Variants in SYNPR observed in about 807,000 individuals in gnomAD.
SYNPR encodes the protein synaptoporin.
Under a neutral mutation model 32.9 loss-of-function variants are expected in SYNPR, and 23 were observed. The ratio of observed to expected loss-of-function variants is 0.70; its 90% CI spans 0.50 to 0.99. The LOEUF (loss-of-function observed/expected upper bound fraction) is 0.99, where lower values mean the gene tolerates loss of function less well. SYNPR is among the 50% of genes least tolerant of loss of function. The pLI is 0.00. For synonymous variants in SYNPR, 146 were observed against 135.9 expected (o/e 1.07, Z -0.52); for missense variants, 318 against 349.3 (o/e 0.91, Z 0.71).
chr3:63,467,224 T>C (rs1237127897), intron 2 of SYNPR, among the ~76,000 whole-genome samples: 2 of 152,194 alleles, frequency 1.3e-5, no homozygotes, highest in African/African-American at 4.8e-5. Context: ...GATGGGGGTC[T>C]CACTATGTTG....
At chr3:63,605,234 G>C (rs1047662127) in intron 4 of SYNPR, among the ~76,000 whole-genome samples, 3 of 152,212 alleles carry the variant, frequency 2.0e-5, no homozygotes, top group African/African-American at 7.2e-5. Flanking sequence ...ACTATCTGGG[G>C]AGGGGACCAT....
intron 2 of SYNPR, among the ~76,000 whole-genome samples, chr3:63,381,936 C>T (rs564832329): frequency 3.9e-5 from 6 of 152,096 alleles, no homozygotes; most frequent in South Asian, 4.1e-4. Context: ...CACAACTTAA[C>T]GAAATCTACT....
chr3:63,470,646 A>G (rs558245427), intron 2 of SYNPR, among the ~76,000 whole-genome samples: 1 of 152,280 alleles, frequency 6.6e-6, no homozygotes, highest in Non-Finnish European at 1.5e-5. Flanking sequence ...TTCTCTCATC[A>G]GTTTCTGTGT....
chr3:63,469,432 C>A (rs1452377080), intron 2 of SYNPR, among the ~76,000 whole-genome samples: 1 of 152,044 alleles, frequency 6.6e-6, no homozygotes, highest in Non-Finnish European at 1.5e-5. Flanking sequence ...CTTCAATGCA[C>A]TAAGATATGG....
intron 2 of SYNPR, among the ~76,000 whole-genome samples, chr3:63,412,824 C>G (rs2088484658): frequency 6.6e-6 from 1 of 152,144 alleles, no homozygotes; most frequent in African/African-American, 2.4e-5. Flanking sequence ...CTGAAGATTA[C>G]CAGGTACCAC....
the SYNPR span, among the ~76,000 whole-genome samples, chr3:63,219,301 G>A: frequency 6.6e-6 from 1 of 152,182 alleles, no homozygotes; most frequent in Non-Finnish European, 1.5e-5. Context: ...TCCAAGAAAC[G>A]GAAAGTTGGC....
chr3:63,487,649 C>T (rs1701181105), intron 3 of SYNPR, among the ~76,000 whole-genome samples: 1 of 152,156 alleles, frequency 6.6e-6, no homozygotes, highest in African/African-American at 2.4e-5. Flanking sequence ...ATTTAACTGT[C>T]TCTTGATTAA....
intron 2 of SYNPR, among the ~76,000 whole-genome samples, chr3:63,282,228 G>A (rs1161256004): frequency 6.6e-6 from 1 of 152,074 alleles, no homozygotes; most frequent in East Asian, 1.9e-4. Flanking sequence ...TGTAAGTTAA[G>A]TGATATCAAA....
chr3:63,442,412 A>C (rs1331984004), intron 2 of SYNPR, among the ~76,000 whole-genome samples: 1 of 152,214 alleles, frequency 6.6e-6, no homozygotes. Flanking sequence ...GGAGAGGCAC[A>C]CAGACTTCCT....
intron 5 of SYNPR, 138 bp from the exon 6 acceptor site, chr3:63,615,086 C>A: frequency 9.5e-7 from 1 of 1,057,462 alleles, no homozygotes; most frequent in East Asian, 2.6e-5. Flanking sequence ...AATACCGGTT[C>A]CAAATGGAAA....
At chr3:63,341,432 T>C (rs2087369915) in intron 2 of SYNPR, among the ~76,000 whole-genome samples, 1 of 152,208 alleles carries the variant, frequency 6.6e-6, no homozygotes, top group African/African-American at 2.4e-5. Flanking sequence ...ACTACCAGAC[T>C]GTGTTTCAGA....
At chr3:63,290,272 C>T (rs1262720168) in intron 2 of SYNPR, among the ~76,000 whole-genome samples, 2 of 152,172 alleles carry the variant, frequency 1.3e-5, no homozygotes, top group East Asian at 1.9e-4. Flanking sequence ...AGATTCCATG[C>T]TCTTAACCAT....
intron 3 of SYNPR, among the ~76,000 whole-genome samples, chr3:63,533,944 C>T (rs989408736): frequency 6.6e-6 from 1 of 152,114 alleles, no homozygotes; most frequent in Admixed American, 6.6e-5. Context: ...GATAATGTTG[C>T]TACTGTCGAT....
At chr3:63,427,640 A>T (rs1286374214) in intron 2 of SYNPR, 2 of 152,202 alleles carry the variant, frequency 1.3e-5, no homozygotes, top group Non-Finnish European at 2.9e-5. Context: ...TCCCTCCACA[A>T]TGGAGGAGTG....
chr3:63,587,685 A>AATTTATT (rs1414588276), intron 4 of SYNPR, among the ~76,000 whole-genome samples: 1 of 152,048 alleles, frequency 6.6e-6, no homozygotes, highest in Non-Finnish European at 1.5e-5. Context: ...GCCTGCTAGC[A>AATTTATT]ATTTATTTAT....
intron 2 of SYNPR, among the ~76,000 whole-genome samples, chr3:63,406,771 G>A (rs1051569593): frequency 2.0e-5 from 3 of 152,126 alleles, no homozygotes; most frequent in Non-Finnish European, 4.4e-5. Context: ...TAACATTGTT[G>A]CCTAGTTCCT....
the SYNPR span, among the ~76,000 whole-genome samples, chr3:63,204,149 C>A: frequency 1.3e-5 from 2 of 152,190 alleles, no homozygotes; most frequent in Admixed American, 6.5e-5. Flanking sequence ...TGTTACTTTC[C>A]TGGGGCTACT....
In SYNPR at chr3:63,546,370, A is replaced by G. The variant is rs1702401873; in HGVS notation, c.210-10173A>G. Among the ~76,000 whole-genome samples the G allele has an allele frequency of 2.0e-5, 3 of 152,114 alleles. No homozygotes were observed. In the South Asian group the frequency reaches 6.2e-4, roughly 32 times the overall value. On this transcript the variant is annotated intron_variant, in intron 3 of 5. Coordinates refer to ENST00000478300, the MANE Select transcript of SYNPR (RefSeq NM_001130003.2). ...TTGAAATGTCTATCTGTGTAAATCC[A>G]AACTGTAGGGAGGAGTGAAATTTGA... is the stretch of plus-strand genomic sequence containing the variant.
chr3:63,612,979 T>C (rs1700223092), intron 5 of SYNPR, among the ~76,000 whole-genome samples: 1 of 142,664 alleles, frequency 7.0e-6, no homozygotes, highest in Non-Finnish European at 1.5e-5. Context: ...TCCTTTTTTC[T>C]TTTTTTTTTT....
Sources: gnomAD v4.1 joint callset for allele counts (sites outside exome capture counted in the v4.1 genomes callset) on GRCh38, gnomAD v4.1.1 for gene constraint, MANE v1.5 for transcripts, NCBI Gene and HGNC (gene_info 2026-07-23, HGNC 2026-07-21) for gene names.